Variants in FREM1 observed in about 807,000 individuals in gnomAD.
FREM1 encodes FRAS1-related extracellular matrix protein 1.
FREM1 carries 220 observed loss-of-function variants against 210.1 expected under a neutral mutation model. That is an observed-to-expected ratio of 1.05 (90% CI 0.94 to 1.17). The LOEUF is 1.17. Ranked by LOEUF, FREM1 falls within the 50% of genes most tolerant of loss-of-function variation. FREM1 has a pLI of 0.00. For missense variants in FREM1, 3,454 were observed against 2,675.5 expected (o/e 1.29, Z -6.42); for synonymous variants, 1,189 against 980.2 (o/e 1.21, Z -3.98).
chr9:14,832,631 T>C (rs892064382), intron 10 of FREM1, among the ~76,000 whole-genome samples: 4 of 152,180 alleles, frequency 2.6e-5, no homozygotes, highest in African/African-American at 9.7e-5. Context: ...AAAAACTAAT[T>C]TTCCAAACCT....
intron 6 of FREM1, chr9:14,850,398 G>C (rs1425376220): frequency 1.3e-5 from 2 of 148,928 alleles, no homozygotes; most frequent in Admixed American, 6.6e-5. Flanking sequence ...CAAAAAAAAA[G>C]AATAAAAGAA....
At chr9:14,885,217 G>C (rs1474918901) in intron 1 of FREM1, among the ~76,000 whole-genome samples, 1 of 151,930 alleles carries the variant, frequency 6.6e-6, no homozygotes, top group African/African-American at 2.4e-5. Context: ...GCTTTTTGCA[G>C]AATTCATATG....
At chr9:14,787,812 C>T (rs748010352) in intron 23 of FREM1, among the ~76,000 whole-genome samples, 1 of 152,120 alleles carries the variant, frequency 6.6e-6, no homozygotes, top group Non-Finnish European at 1.5e-5. Flanking sequence ...CCTGGACATA[C>T]ATTTATGATG....
At chr9:14,871,397 G>A (rs1304694214) in intron 1 of FREM1, among the ~76,000 whole-genome samples, 3 of 152,248 alleles carry the variant, frequency 2.0e-5, no homozygotes, top group South Asian at 2.1e-4. Flanking sequence ...GCATTTCTCC[G>A]ATGGCCAGTG....
chr9:14,775,961 AGC>A lies in FREM1; in HGVS notation c.4683_4684del (p.Leu1562ThrfsTer27). 1 of 1,614,004 alleles carries A rather than the reference AGC, an allele frequency of 6.2e-7. No individual in the cohort carries two copies. The highest frequency in any genetic ancestry group is 8.5e-7 in the Non-Finnish European group (1 of 1,179,886). ...CTGCTGGGTGAAATTGTGTTGAAGT[AGC>A]CCTGTCCCCCACAGGTAGAGCTGGC... is the stretch of plus-strand genomic sequence containing the variant. On this transcript the variant is annotated frameshift_variant, in exon 25 of 37. Transcript: ENST00000380880. LOFTEE classifies it high-confidence loss of function.
chr9:14,745,336 A>C (rs1842223819), intron 35 of FREM1, among the ~76,000 whole-genome samples: 1 of 152,210 alleles, frequency 6.6e-6, no homozygotes, highest in Admixed American at 6.5e-5. Flanking sequence ...GTAGGTGTGA[A>C]GTGGTATTTC....
intron 1 of FREM1, among the ~76,000 whole-genome samples, chr9:14,870,829 A>G (rs1832525671): frequency 8.9e-6 from 1 of 112,632 alleles, no homozygotes; most frequent in Non-Finnish European, 1.7e-5. Context: ...AACAGTCCCC[A>G]GAGTGTGATG....
At chr9:14,901,667 AC>A (rs1838806582) in intron 1 of FREM1, among the ~76,000 whole-genome samples, 1 of 152,170 alleles carries the variant, frequency 6.6e-6, no homozygotes, top group Admixed American at 6.5e-5. Context: ...TTGTAGGAAG[AC>A]CTCATTTAAT....
At chr9:14,785,458 T>C (rs78620986) in intron 23 of FREM1, among the ~76,000 whole-genome samples, 9,651 of 152,292 alleles carry the variant, frequency 0.063, 602 homozygotes, top group African/African-American at 0.15. Context: ...ATGTTCATGA[T>C]ATATTTTTTA....
chr9:14,861,188 T>TATATACATATATACACAC lies in FREM1; in HGVS notation c.330-1722_330-1705dup, dbSNP rs1564106738. 7.4e-5 allele frequency among the ~76,000 whole-genome samples: 9 copies of TATATACATATATACACAC among 122,150 alleles called. 2 individuals carry two copies. The highest frequency in any genetic ancestry group is 3.4e-4 in the African/African-American group (9 of 26,402). The allele number at this position is 122,150 out of a possible 152,430, so 80.1% of individuals were successfully genotyped here. A position where few individuals can be genotyped will look rare whatever the true frequency, so the allele number is the denominator to read the frequency against. On this transcript the variant is annotated intron_variant, in intron 3 of 36. Transcript: ENST00000380880. ...ACACATGTATGTACATATATACACA[T>TATATACATATATACACAC]ATATACATATATACACACATATACA...
chr9:14,857,313 G>A (rs1828943171), intron 5 of FREM1, among the ~76,000 whole-genome samples: 1 of 152,168 alleles, frequency 6.6e-6, no homozygotes, highest in South Asian at 2.1e-4. Context: ...TCCTTCCCAA[G>A]TTGCTGTACT....
chr9:14,865,810 C>T (rs1831415403), intron 2 of FREM1, among the ~76,000 whole-genome samples: 1 of 152,114 alleles, frequency 6.6e-6, no homozygotes. Context: ...CAAAACAAAA[C>T]AGACTTAGGA....
intron 4 of FREM1, among the ~76,000 whole-genome samples, chr9:14,858,739 T>C (rs1372479599): frequency 6.6e-6 from 1 of 152,192 alleles, no homozygotes; most frequent in Non-Finnish European, 1.5e-5. Context: ...CGTCTATCAC[T>C]GCTACCCACT....
Position 14,869,052 on chromosome 9 carries a change from G to T in FREM1, c.-75C>A. On this transcript the variant is annotated 5_prime_UTR_variant, in exon 2 of 37. Transcript: ENST00000380880. ...AAGGAGGGCTTCTGTGCTTCCTCCT[G>T]GAGGGTCAGCTCATAGTCCAAGGGG... 1 of 1,043,714 alleles carries T rather than the reference G, an allele frequency of 9.6e-7. No homozygotes were observed. The allele number at this position is 1,043,714 out of a possible 1,614,324, so 64.7% of individuals were successfully genotyped here.
At chr9:14,826,264 G>T (rs1248566742) in intron 10 of FREM1, among the ~76,000 whole-genome samples, 1 of 151,962 alleles carries the variant, frequency 6.6e-6, no homozygotes, top group East Asian at 1.9e-4. Flanking sequence ...GCTAATTTTT[G>T]TATTTTTAGT....
intron 27 of FREM1, among the ~76,000 whole-genome samples, chr9:14,762,153 T>C (rs1478398622): frequency 6.6e-6 from 1 of 151,488 alleles, no homozygotes; most frequent in East Asian, 1.9e-4. Context: ...AATAGAAATA[T>C]GTTGCAAAGA....
At chr9:14,902,919 T>G (rs1258925445) in intron 1 of FREM1, among the ~76,000 whole-genome samples, 2 of 152,222 alleles carry the variant, frequency 1.3e-5, no homozygotes, top group Non-Finnish European at 2.9e-5. Context: ...GGAGGAAGTC[T>G]TAACAGAATT....
In FREM1 at chr9:14,808,141, G is replaced by A. The variant is rs1413214918; in HGVS notation, c.2894-7C>T. The A allele has an allele frequency of 1.9e-6, 3 of 1,572,914 alleles. No homozygotes were observed. The highest frequency in any genetic ancestry group is 1.2e-5 in the South Asian group (1 of 82,462). On this transcript the variant is annotated splice_region_variant and splice_polypyrimidine_tract_variant and intron_variant, in intron 16 of 36. Transcript: ENST00000380880. ...ATCAGGCCAATCTCGCCACCTGGAA[G>A]ACACAACTATAGCTGAAACCTGCCT...
intron 2 of FREM1, among the ~76,000 whole-genome samples, chr9:14,866,366 A>G (rs10116665): frequency 0.073 from 11,148 of 152,272 alleles, 1,225 homozygotes; most frequent in African/African-American, 0.24. Flanking sequence ...AGGACCATTA[A>G]AACATCACTA....
Sources: gnomAD v4.1 joint callset for allele counts (sites outside exome capture counted in the v4.1 genomes callset) on GRCh38, gnomAD v4.1.1 for gene constraint, MANE v1.5 for transcripts, NCBI Gene and HGNC (gene_info 2026-07-23, HGNC 2026-07-21) for gene names.